The following ANOS1 variants were observed in gnomAD, a reference collection of about 807,000 sequenced individuals.
The protein encoded by ANOS1 is anosmin 1.
A neutral mutation model predicts 59.0 loss-of-function variants in ANOS1; 6 were observed. That is an observed-to-expected ratio of 0.10 (90% CI 0.06 to 0.20). ANOS1 has a LOEUF of 0.20. Ranked by LOEUF, ANOS1 falls within the 10% of genes least tolerant of loss-of-function variation. ANOS1 has a pLI of 1.00. For missense variants in ANOS1, 433 were observed against 542.3 expected, an observed-to-expected ratio of 0.80 and a Z score of 2.00; for synonymous variants, 217 against 223.4, an observed-to-expected ratio of 0.97 and a Z score of 0.25.
chrX:8,697,861 A>G (rs1237391129), intron 2 of ANOS1, among the ~76,000 whole-genome samples: 1 of 111,608 alleles, frequency 9.0e-6, no homozygotes. Context: ...ACATGCCTGA[A>G]TTTTCCCATT....
At chrX:8,607,405 T>G (rs1601975982) in intron 3 of ANOS1, among the ~76,000 whole-genome samples, 1 of 112,047 alleles carries the variant, frequency 8.9e-6, no homozygotes, top group African/African-American at 3.2e-5. Flanking sequence ...ATTAGAGAAG[T>G]CACTTTTCTA....
intron 2 of ANOS1, among the ~76,000 whole-genome samples, chrX:8,654,512 A>G (rs930977607): frequency 8.9e-6 from 1 of 112,493 alleles, no homozygotes; most frequent in Non-Finnish European, 1.9e-5. Context: ...CACAGATTTT[A>G]CAAACCTCGA....
chrX:8,554,362 C>T (rs1209818646), intron 8 of ANOS1, among the ~76,000 whole-genome samples: 2 of 110,739 alleles, frequency 1.8e-5, no homozygotes, highest in Non-Finnish European at 3.8e-5. Flanking sequence ...ACTCCCTCCC[C>T]TAGCCAAGGG....
At chrX:8,635,944 T>C (rs923060149) in intron 2 of ANOS1, among the ~76,000 whole-genome samples, 3 of 111,229 alleles carry the variant, frequency 2.7e-5, no homozygotes, top group African/African-American at 9.8e-5. Flanking sequence ...AGATCAGATT[T>C]TGCGTAACTC....
intron 8 of ANOS1, among the ~76,000 whole-genome samples, chrX:8,558,634 G>A (rs968236702): frequency 9.0e-5 from 10 of 111,298 alleles, no homozygotes; most frequent in Non-Finnish European, 1.9e-4. Flanking sequence ...ATACCATTTC[G>A]TGAAAAAAGT....
At position 8,691,075 on chromosome X, in the gene ANOS1, C is replaced by CTT. The variant is rs200551447; in HGVS notation, c.255+8621_255+8622dup. ...CTGAGCTGAAAGTTAAAGGAGAAATCTTTTTTTTTTTTTTTTGAGACAGAG... is the reference window on the plus strand; with the variant it reads ...CTGAGCTGAAAGTTAAAGGAGAAATCTTTTTTTTTTTTTTTTTTGAGACAGAG... On this transcript the variant is annotated intron_variant, in intron 2 of 13. Coordinates refer to ENST00000262648, the MANE Select transcript of ANOS1 (RefSeq NM_000216.4). Among the ~76,000 whole-genome samples the CTT allele has an allele frequency of 1.6e-3, 156 of 96,189 alleles. 6 individuals are homozygous for CTT. The highest frequency in any genetic ancestry group is 4.8e-3 in the Admixed American group (41 of 8,606). 83.5% of individuals were successfully genotyped at this position (96,189 alleles called of 115,157 possible).
At chrX:8,722,786 C>G (rs1045950415) in intron 1 of ANOS1, among the ~76,000 whole-genome samples, 4 of 112,365 alleles carry the variant, frequency 3.6e-5, no homozygotes, top group Non-Finnish European at 7.5e-5. Flanking sequence ...TTTAAGGAAC[C>G]TCCACACTGT....
chrX:8,551,956 G>C lies in ANOS1; in HGVS notation c.1354+1996C>G, dbSNP rs753305841. Among the ~76,000 whole-genome samples, 14 of 112,664 alleles carry C rather than the reference G, an allele frequency of 1.2e-4. No homozygotes were observed. The South Asian group carries it at 4.4e-3, about 36-fold the overall frequency. On this transcript the variant is annotated intron_variant, in intron 9 of 13. Transcript: ENST00000262648. ...CCACTGCACCCCAGACTGGGCGACA[G>C]ATCAAGACTGTGTCTCAACAAACAA...
At chrX:8,731,804 G>T in intron 1 of ANOS1, 26 bp downstream of exon 1, 3 of 1,174,471 alleles carry the variant, frequency 2.6e-6, no homozygotes, top group Non-Finnish European at 3.4e-6. Flanking sequence ...GCCCCAGAAA[G>T]AACCCGGGCG....
intron 2 of ANOS1, among the ~76,000 whole-genome samples, chrX:8,684,921 A>G (rs1932483720): frequency 9.1e-6 from 1 of 110,094 alleles, no homozygotes; most frequent in African/African-American, 3.3e-5. Flanking sequence ...CCTCTCCACA[A>G]GGATCCGTTC....
intron 2 of ANOS1, among the ~76,000 whole-genome samples, chrX:8,671,041 G>A (rs1440320090): frequency 1.8e-5 from 2 of 111,464 alleles, no homozygotes; most frequent in Admixed American, 1.9e-4. Flanking sequence ...TAGTGTGTTT[G>A]TTTTGGAACC....
intron 10 of ANOS1, 103 bp downstream of exon 10, chrX:8,539,561 G>A: frequency 1.7e-6 from 2 of 1,152,507 alleles, no homozygotes; most frequent in South Asian, 3.7e-5. Context: ...TTACTCCATA[G>A]CTGATTTGTG....
intron 2 of ANOS1, among the ~76,000 whole-genome samples, chrX:8,648,900 G>A (rs1324383638): frequency 8.9e-6 from 1 of 111,852 alleles, no homozygotes; most frequent in Non-Finnish European, 1.9e-5. Flanking sequence ...AGCATCAGGT[G>A]CACTCTAGGT....
At chrX:8,554,658 G>A (rs182704718) in intron 8 of ANOS1, among the ~76,000 whole-genome samples, 1 of 104,665 alleles carries the variant, frequency 9.6e-6, no homozygotes, top group Admixed American at 1.1e-4. Flanking sequence ...AATGGTAAAG[G>A]GTTCAATGCA....
intron 2 of ANOS1, among the ~76,000 whole-genome samples, chrX:8,662,896 C>G (rs1413886956): frequency 1.8e-5 from 2 of 111,944 alleles, no homozygotes; most frequent in Non-Finnish European, 3.8e-5. Context: ...TGGTGGCAGG[C>G]ACCTGTAATT....
intron 3 of ANOS1, among the ~76,000 whole-genome samples, chrX:8,606,304 G>A (rs1162427533): frequency 9.0e-6 from 1 of 111,687 alleles, no homozygotes; most frequent in Non-Finnish European, 1.9e-5. Flanking sequence ...ATGTACCTAA[G>A]TATGAAACTA....
chrX:8,577,384 C>A lies in ANOS1; in HGVS notation c.857-6680G>T, dbSNP rs780356558. Among the ~76,000 whole-genome samples, 36 of 111,440 alleles carry A rather than the reference C, an allele frequency of 3.2e-4. No homozygotes were observed. The South Asian group carries it at 5.7e-3, about 18-fold the overall frequency. ...CTAACCCTTCCTCTGAGTCTCAAAT[C>A]TGGGCATTTTCCCCCAGCTCACTTC... is the stretch of plus-strand genomic sequence containing the variant. On this transcript the variant is annotated intron_variant, in intron 6 of 13. Transcript: ENST00000262648.
intron 2 of ANOS1, among the ~76,000 whole-genome samples, chrX:8,679,629 G>A (rs1167376942): frequency 1.8e-5 from 2 of 110,861 alleles, no homozygotes; most frequent in Non-Finnish European, 3.8e-5. Context: ...GGTGGTTGCC[G>A]GGGGCTGAGG....
In ANOS1 at chrX:8,554,102, C is replaced by T. The variant is rs1362883650; in HGVS notation, c.1208-4G>A. ...CTAGTTTTCACAAGCTGTTCTTCTACAACAAAGTACAACATTCTAAGTTAC... is the reference window on the plus strand; with the variant it reads ...CTAGTTTTCACAAGCTGTTCTTCTATAACAAAGTACAACATTCTAAGTTAC... On this transcript the variant is annotated splice_polypyrimidine_tract_variant and splice_region_variant and intron_variant, in intron 8 of 13. Transcript: ENST00000262648. The T allele has an allele frequency of 8.4e-7, 1 of 1,183,972 alleles. No individual in the cohort carries two copies. Among genetic ancestry groups the T allele is most frequent in the East Asian group, 3.0e-5 (1 of 33,691 alleles).
Sources: gnomAD v4.1 joint callset for allele counts (sites outside exome capture counted in the v4.1 genomes callset) on GRCh38, gnomAD v4.1.1 for gene constraint, MANE v1.5 for transcripts, NCBI Gene and HGNC (gene_info 2026-07-23, HGNC 2026-07-21) for gene names.